Variants in ARMCX4 observed in about 807,000 individuals in gnomAD.
ARMCX4 encodes armadillo repeat containing X-linked 4, also known as armadillo repeat-containing X-linked protein 4.
Under a neutral mutation model 34.7 loss-of-function variants are expected in ARMCX4, and 3 were observed. That is an observed-to-expected ratio of 0.09 (90% CI 0.04 to 0.22). The LOEUF (loss-of-function observed/expected upper bound fraction) is 0.22, where lower values mean the gene tolerates loss of function less well. Ranked by LOEUF, ARMCX4 falls within the 10% of genes least tolerant of loss-of-function variation. ARMCX4 has a pLI of 1.00. For synonymous variants in ARMCX4, 513 were observed against 632.8 expected, an observed-to-expected ratio of 0.81 and a Z score of 2.84; for missense variants, 1,448 against 1,720.8, an observed-to-expected ratio of 0.84 and a Z score of 2.81.
chrX:101,500,208 A>G (rs1228877298), downstream of ARMCX4, among the ~76,000 whole-genome samples: 11 of 111,235 alleles, frequency 9.9e-5, no homozygotes, highest in African/African-American at 3.3e-4. Flanking sequence ...TGGCCTAGGT[A>G]GGGTTCACAG....
chrX:101,533,704 CA>C (rs1935171878), downstream of ARMCX4, among the ~76,000 whole-genome samples: 1 of 111,794 alleles, frequency 8.9e-6, no homozygotes, highest in South Asian at 3.6e-4. Flanking sequence ...TTAAATATGA[CA>C]AAAATATATA....
chrX:101,439,036 T>A (rs1931037487), intron 2 of ARMCX4, among the ~76,000 whole-genome samples: 1 of 112,084 alleles, frequency 8.9e-6, no homozygotes, highest in South Asian at 3.7e-4. Context: ...GTTATTTTGC[T>A]CGTTAGTTGA....
In ARMCX4 at chrX:101,489,812, C is replaced by T. The variant is rs1276424731; in HGVS notation, c.1223C>T (p.Thr408Ile). 12 of 1,154,410 alleles carry T rather than the reference C, an allele frequency of 1.0e-5. No individual in the cohort carries two copies. In the African/African-American group the frequency reaches 2.0e-4, roughly 19 times the overall value. Reference protein sequence around the residue: ...AAAQPQAVASTHAEAMSDAKV... With the variant: ...AAAQPQAVASIHAEAMSDAKV... ...GCTCAGCCTCAAGCTGTTGCCAGTA[C>T]TCACGCTGAGGCCATGTCTGATGCT... Residue 408 changes from threonine to isoleucine, a missense_variant, in exon 6 of 6, where the codon ACT (threonine) becomes ATT (isoleucine). By Grantham distance (89) the Thr-to-Ile change is moderately conservative (BLOSUM62 -1). Coordinates refer to ENST00000423738, the MANE Select transcript of ARMCX4 (RefSeq NM_001256155.3).
chrX:101,432,456 T>A (rs1300865820), intron 2 of ARMCX4, among the ~76,000 whole-genome samples: 3 of 108,650 alleles, frequency 2.8e-5, no homozygotes, highest in Non-Finnish European at 5.7e-5. Context: ...AAGTCAGGAG[T>A]TCAAGTCTAG....
upstream of ARMCX4, among the ~76,000 whole-genome samples, chrX:101,482,175 G>A (rs1439089912): frequency 9.0e-6 from 1 of 110,628 alleles, no homozygotes; most frequent in African/African-American, 3.3e-5. Flanking sequence ...TGGAGGTTGC[G>A]GTGAGCCAAG....
chrX:101,479,399 T>C (rs1933344329), intron 4 of ARMCX4, among the ~76,000 whole-genome samples: 1 of 106,495 alleles, frequency 9.4e-6, no homozygotes. Context: ...AGGATGTGAA[T>C]AAATTTTAAA....
At chrX:101,499,504 G>A (rs1221219253), downstream of ARMCX4, 3 of 112,375 alleles carry the variant, frequency 2.7e-5, no homozygotes, top group African/African-American at 9.7e-5. Context: ...CAGCATCACT[G>A]AGAAGTTCAG....
Position 101,493,908 on chromosome X carries a change from TG to T in ARMCX4, c.5323del (p.Glu1775LysfsTer4). ...EATTASRSGA[G>X]EEAMICSRIE... Reference sequence around the variant, plus strand: ...CCACTACTGCATCCAGATCAGGGGCTGGGGAAGAGGCCATGATTTGTTCTAG... The same window carrying T: ...CCACTACTGCATCCAGATCAGGGGCTGGGAAGAGGCCATGATTTGTTCTAG... On this transcript the variant is annotated frameshift_variant, in exon 6 of 6. Coordinates refer to ENST00000423738, the MANE Select transcript of ARMCX4 (RefSeq NM_001256155.3). LOFTEE classifies it high-confidence loss of function. The T allele has an allele frequency of 8.7e-7, 1 of 1,151,014 alleles. No homozygotes were observed. Among genetic ancestry groups the T allele is most frequent in the Non-Finnish European group, 1.1e-6 (1 of 871,075 alleles). The allele number at this position is 1,151,014 out of a possible 1,213,427, so 94.9% of individuals were successfully genotyped here. A position where few individuals can be genotyped will look rare whatever the true frequency, so the allele number is the denominator to read the frequency against.
At chrX:101,421,334 G>A (rs1175351426) in intron 2 of ARMCX4, among the ~76,000 whole-genome samples, 1 of 110,862 alleles carries the variant, frequency 9.0e-6, no homozygotes, top group Non-Finnish European at 1.9e-5. Flanking sequence ...TAGAGTAGAG[G>A]TAATAGTAGC....
chrX:101,493,553 T>C lies in ARMCX4; in HGVS notation c.4964T>C (p.Val1655Ala), dbSNP rs1306226530. The C allele has an allele frequency of 1.7e-6, 2 of 1,153,421 alleles. No homozygotes were observed. The highest frequency in any genetic ancestry group is 6.5e-5 in the East Asian group (2 of 30,648). The stretch of plus-strand genomic sequence containing the variant: ...TGGATTGGGCCTGGGGATCAGGCTG[T>C]TGACTGTTCCAAGCCTGAATTTGAG... ...RSWIGPGDQAVDCSKPEFEDQ... is the reference protein window; with the variant it reads ...RSWIGPGDQAADCSKPEFEDQ... Residue 1655 changes from valine to alanine, a missense_variant, in exon 6 of 6, where the codon GTT becomes GCT. Val to Ala is a moderately conservative substitution (Grantham distance 64). Transcript: ENST00000423738.
intron 2 of ARMCX4, among the ~76,000 whole-genome samples, chrX:101,433,000 ATG>A (rs1569314942): frequency 1.9e-5 from 2 of 107,517 alleles, no homozygotes; most frequent in Non-Finnish European, 3.9e-5. Context: ...GTATACATAT[ATG>A]TGTATATATA....
rs782298120 is a variant in ARMCX4, at chrX:101,457,930, C to A, written c.-473+11886C>A. 6.4e-5 allele frequency among the ~76,000 whole-genome samples: 7 copies of A among 109,660 alleles called. No individual in the cohort carries two copies. The Admixed American group carries it at 6.8e-4, about 11-fold the overall frequency. ...GCTATTTTTTGTATTTTAGTAGAGA[C>A]GGGGTTTCACCACGTTGGCCAGGCT... On this transcript the variant is annotated intron_variant and NMD_transcript_variant, in intron 4 of 15. Coordinates refer to the ARMCX4 transcript ENST00000433011.
intron 11 of ARMCX4, among the ~76,000 whole-genome samples, chrX:101,512,795 T>TACATATATAC (rs200263976): frequency 1.9e-5 from 2 of 102,667 alleles, no homozygotes; most frequent in Admixed American, 1.1e-4. Flanking sequence ...CACATATATA[T>TACATATATAC]ACATATATAC....
chrX:101,483,811 T>C (rs1409454189), upstream of ARMCX4, among the ~76,000 whole-genome samples: 4 of 111,704 alleles, frequency 3.6e-5, no homozygotes, highest in Non-Finnish European at 7.5e-5. Flanking sequence ...ATTAGTAAGA[T>C]TGTAAGGCAC....
intron 2 of ARMCX4, among the ~76,000 whole-genome samples, chrX:101,440,677 G>A (rs12836456): frequency 0.064 from 7,070 of 111,213 alleles, 217 homozygotes; most frequent in South Asian, 0.27. Context: ...GCAATGGCAG[G>A]CGCCCCTCCC....
chrX:101,525,699 TCAAGTGGAAGAAAGGGTACCGATTCAAC>T (rs1414729614), intron 11 of ARMCX4, among the ~76,000 whole-genome samples: 2 of 110,707 alleles, frequency 1.8e-5, no homozygotes, highest in South Asian at 3.8e-4. Context: ...GCCGATTCAA[TCAAGTGGAAGAAAGGGTACCGATTCAAC>T]CAAGTGGAAG....
At chrX:101,506,939 T>C (rs1934464960) in intron 8 of ARMCX4, among the ~76,000 whole-genome samples, 1 of 111,756 alleles carries the variant, frequency 8.9e-6, no homozygotes, top group Admixed American at 9.6e-5. Flanking sequence ...TACTTACAAT[T>C]CTCTTAACTA....
At position 101,492,100 on chromosome X, in the gene ARMCX4, G is replaced by T; in HGVS notation, c.3511G>T (p.Ala1171Ser). The change falls in exon 6 of 6, where the codon GCT becomes TCT. Residue 1171 changes from alanine to serine, a missense_variant. Ala to Ser is a moderately conservative substitution (Grantham distance 99, BLOSUM62 1). This residue lies in a region of ARMCX4 where 1,343 missense variants were observed against 1,540.7 expected (regional missense o/e 0.87). Transcript: ENST00000423738. The part of the protein sequence containing the change: ...TSVKSWAGAR[A>S]ENVVGIGTWA... ...TGTTAAGTCCTGGGCTGGGGCCAGG[G>T]CTGAGAATGTGGTTGGTATTGGGAC... 2 of 1,151,765 alleles carry T rather than the reference G, an allele frequency of 1.7e-6. No individual in the cohort carries two copies. Among genetic ancestry groups the T allele is most frequent in the Non-Finnish European group, 2.3e-6 (2 of 870,072 alleles). The allele number at this position is 1,151,765 out of a possible 1,213,427, so 94.9% of individuals were successfully genotyped here. A position where few individuals can be genotyped will look rare whatever the true frequency, so the allele number is the denominator to read the frequency against.
At chrX:101,525,691 C>T (rs1343671499) in intron 11 of ARMCX4, among the ~76,000 whole-genome samples, 3 of 110,272 alleles carry the variant, frequency 2.7e-5, no homozygotes, top group Non-Finnish European at 5.7e-5. Flanking sequence ...CTTCAGTAGC[C>T]GATTCAATCA....
Sources: allele counts gnomAD v4.1 joint callset (sites outside exome capture counted in the v4.1 genomes callset), GRCh38; gene constraint gnomAD v4.1.1; regional missense constraint gnomAD v4.1.1; transcripts MANE v1.5; gene names NCBI Gene and HGNC (gene_info 2026-07-23, HGNC 2026-07-21).